Variants in ADAMTS15 observed in about 807,000 individuals in gnomAD.
ADAMTS15 encodes A disintegrin and metalloproteinase with thrombospondin motifs 15.
In ADAMTS15, 35 loss-of-function variants were observed where a neutral mutation model predicts 79.1. The ratio of observed to expected loss-of-function variants is 0.44; its 90% CI spans 0.34 to 0.59. ADAMTS15 has a LOEUF of 0.59. ADAMTS15 is among the 20% of genes least tolerant of loss of function. The probability of loss-of-function intolerance (pLI) is 0.02; values close to 1 mark genes in which losing one functional copy is unlikely to be tolerated. For synonymous variants in ADAMTS15, 616 were observed against 567.3 expected (o/e 1.09, Z -1.22); for missense variants, 1,324 against 1,318.7 (o/e 1.00, Z -0.06).
At chr11:130,455,129 T>A (rs1938050121) in intron 1 of ADAMTS15, among the ~76,000 whole-genome samples, 1 of 152,150 alleles carries the variant, frequency 6.6e-6, no homozygotes, top group Admixed American at 6.5e-5. Flanking sequence ...AGAATGAGGA[T>A]AATGATGATG....
chr11:130,450,303 G>C (rs952207118), intron 1 of ADAMTS15: 4 of 985,322 alleles, frequency 4.1e-6, no homozygotes, highest in Non-Finnish European at 4.8e-6. Flanking sequence ...GGGCGGGAAC[G>C]GCCCACCCCT....
Position 130,474,251 on chromosome 11 carries a change from C to T in ADAMTS15, c.*430C>T, listed in dbSNP as rs763620678. 40 of 174,356 alleles carry T rather than the reference C, an allele frequency of 2.3e-4. No individual in the cohort carries two copies. The highest frequency in any genetic ancestry group is 4.0e-4 in the African/African-American group (17 of 42,196). The allele number at this position is 174,356 out of a possible 1,614,324, so 10.8% of individuals were successfully genotyped here. A position where few individuals can be genotyped will look rare whatever the true frequency, so the allele number is the denominator to read the frequency against. ...CCATGGGCTCTGAGCCGTGTCTGAA[C>T]GAGGCAGGGTTTTCACGGTGCTTTT... On this transcript the variant is annotated 3_prime_UTR_variant, in exon 8 of 8. Coordinates refer to ENST00000299164, the MANE Select transcript of ADAMTS15 (RefSeq NM_139055.4).
chr11:130,455,024 A>T (rs1488693656), intron 1 of ADAMTS15, among the ~76,000 whole-genome samples: 1 of 151,906 alleles, frequency 6.6e-6, no homozygotes, highest in Admixed American at 6.6e-5. Context: ...ACAGGCTTGG[A>T]GTCAGGCAGA....
chr11:130,470,183 T>TATATATATACACAC (rs1565397829), intron 5 of ADAMTS15, among the ~76,000 whole-genome samples: 1 of 39,848 alleles, frequency 2.5e-5, no homozygotes, highest in Non-Finnish European at 4.8e-5. Flanking sequence ...TATATATATG[T>TATATATATACACAC]GTGTATATAT....
rs56123707 is a variant in ADAMTS15 at position 130,448,680 on chromosome 11, G to A, written c.-294G>A. ...TGGCTGCGGTTGCGAGAAGCCGCCC[G>A]GCACCTTCCGCTAGTTCTCGGCTGC... On this transcript the variant is annotated 5_prime_UTR_variant, in exon 1 of 8. Coordinates refer to ENST00000299164, the MANE Select transcript of ADAMTS15 (RefSeq NM_139055.4). Among the ~76,000 whole-genome samples the A allele has an allele frequency of 0.011, 1,690 of 152,348 alleles. 17 individuals are homozygous for A. The highest frequency in any genetic ancestry group is 0.018 in the Non-Finnish European group (1,215 of 68,030).
Position 130,462,360 on chromosome 11 carries a change from T to C in ADAMTS15, c.1258+106T>C, listed in dbSNP as rs1457339571. 6.7e-7 allele frequency: 1 copy of C among 1,487,180 alleles called. No individual in the cohort carries two copies. Among genetic ancestry groups the C allele is most frequent in the African/African-American group, 1.4e-5 (1 of 71,782 alleles). The allele number at this position is 1,487,180 out of a possible 1,614,324, so 92.1% of individuals were successfully genotyped here. A position where few individuals can be genotyped will look rare whatever the true frequency, so the allele number is the denominator to read the frequency against. On this transcript the variant is annotated intron_variant, in intron 3 of 7. Transcript: ENST00000299164. The surrounding 1 kb of genome is among the most constrained non-coding windows in gnomAD (Gnocchi z 4.3). Reference sequence around the variant, plus strand: ...CCGTCCTCTGTACATTAGGTGTGTGTGCCCCCTCGGAGCCGGGCTCTGACA... The same window carrying C: ...CCGTCCTCTGTACATTAGGTGTGTGCGCCCCCTCGGAGCCGGGCTCTGACA...
chr11:130,473,731 G>A lies in ADAMTS15; in HGVS notation c.2763G>A (p.Val921=). Residue 921 remains valine, a synonymous_variant, in exon 8 of 8, where the codon GTG becomes GTA. Coordinates refer to ENST00000299164, the MANE Select transcript of ADAMTS15 (RefSeq NM_139055.4). The part of the protein sequence containing the change: ...RGFQRRSLKC[V]GHGGRLLARD... ...TTCAGAGGCGCTCACTCAAGTGTGT[G>A]GGCCACGGAGGCCGGCTGCTGGCCC... 6.3e-7 allele frequency: 1 copy of A among 1,599,818 alleles called. No individual in the cohort carries two copies. The highest frequency in any genetic ancestry group is 1.1e-5 in the South Asian group (1 of 91,074).
At chr11:130,450,212 C>G (rs1490801967) in intron 1 of ADAMTS15, 25 of 985,332 alleles carry the variant, frequency 2.5e-5, no homozygotes, top group Non-Finnish European at 3.0e-5. Context: ...GCCGAGGGGC[C>G]GGAACCCAGG....
At chr11:130,450,202 G>A (rs902468832) in intron 1 of ADAMTS15, 1 of 985,458 alleles carries the variant, frequency 1.0e-6, no homozygotes, top group Non-Finnish European at 1.2e-6. Flanking sequence ...TGGATCAGGC[G>A]CCGAGGGGCC....
intron 1 of ADAMTS15, among the ~76,000 whole-genome samples, chr11:130,460,581 A>G (rs1428578566): frequency 1.3e-5 from 2 of 152,168 alleles, no homozygotes; most frequent in African/African-American, 4.8e-5. Context: ...CTGGCCCAAC[A>G]CACGTCTTCT....
chr11:130,470,963 C>T lies in ADAMTS15; in HGVS notation c.1764C>T (p.Asn588=), dbSNP rs200393200. The change falls in exon 6 of 8, where the codon AAC becomes AAT. Residue 588 remains asparagine, a synonymous_variant. Transcript: ENST00000299164. ...SFREEQCEAF[N]GYNHSTNRLT... is the part of the protein sequence containing the mutation. ...GGGAGGAGCAGTGTGAGGCTTTCAACGGCTACAACCACAGCACCAACCGGC... is the reference window on the plus strand; with the variant it reads ...GGGAGGAGCAGTGTGAGGCTTTCAATGGCTACAACCACAGCACCAACCGGC... 1.4e-4 allele frequency: 219 copies of T among 1,613,870 alleles called. No homozygotes were observed. Among genetic ancestry groups the T allele is most frequent in the Non-Finnish European group, 1.6e-4 (186 of 1,180,018 alleles).
At chr11:130,450,229 C>T (rs1319589292) in intron 1 of ADAMTS15, 1 of 985,372 alleles carries the variant, frequency 1.0e-6, no homozygotes, top group Non-Finnish European at 1.2e-6. Flanking sequence ...CAGGAAGTTG[C>T]CGCCCCGGAG....
In ADAMTS15 at chr11:130,472,416, G is replaced by C. The variant is rs1170832987; in HGVS notation, c.2079-631G>C. Among the ~76,000 whole-genome samples the C allele has an allele frequency of 3.9e-5, 6 of 152,228 alleles. No individual in the cohort carries two copies. Among genetic ancestry groups the C allele is most frequent in the Non-Finnish European group, 7.3e-5 (5 of 68,044 alleles). On this transcript the variant is annotated intron_variant, in intron 7 of 7. Transcript: ENST00000299164. This position sits in a 1 kb window ranked among gnomAD's most constrained non-coding sequence, Gnocchi z 4.7. ...TGGGGAGTGGGAGGTACATACCCCAGGCTTGCCTCACTGGTTAAGTGGCAG... is the reference window on the plus strand; with the variant it reads ...TGGGGAGTGGGAGGTACATACCCCACGCTTGCCTCACTGGTTAAGTGGCAG...
chr11:130,449,141 G>A lies in ADAMTS15; in HGVS notation c.168G>A (p.Gln56=), dbSNP rs1248274049. 1.2e-6 allele frequency: 2 copies of A among 1,600,212 alleles called. No individual in the cohort carries two copies. The highest frequency in any genetic ancestry group is 1.7e-6 in the Non-Finnish European group (2 of 1,171,230). The stretch of plus-strand genomic sequence containing the variant: ...CCGGGGATCAGGGACTCATTTTTCA[G>A]ATCACAGCATTTCAGGAGGACTTTT... ...EDSGDQGLIF[Q]ITAFQEDFYL... The change falls in exon 1 of 8, where the codon CAG becomes CAA. Residue 56 remains glutamine, a synonymous_variant. Transcript: ENST00000299164. The surrounding 1 kb of genome is among the most constrained non-coding windows in gnomAD (Gnocchi z 7.8).
intron 2 of ADAMTS15, 50 bp downstream of exon 2, chr11:130,461,671 C>A: frequency 3.1e-6 from 5 of 1,608,090 alleles, no homozygotes; most frequent in Non-Finnish European, 4.2e-6. Flanking sequence ...GCCTGGGGAG[C>A]CTGGAGGGTG....
chr11:130,451,286 G>C (rs1937955800), intron 1 of ADAMTS15, among the ~76,000 whole-genome samples: 1 of 152,196 alleles, frequency 6.6e-6, no homozygotes, highest in Admixed American at 6.5e-5. Context: ...AAGTTGGACT[G>C]GCGCACACAG....
In ADAMTS15 at chr11:130,462,601, G is replaced by T. The variant is rs764380364; in HGVS notation, c.1363G>T (p.Gly455Cys). 1.9e-6 allele frequency: 3 copies of T among 1,613,842 alleles called. No individual in the cohort carries two copies. The Admixed American group carries it at 5.0e-5, about 27-fold the overall frequency. ...SQQCELAFGV[G>C]SKPCPYMQYC... ...GCAGTGCGAGCTGGCTTTTGGCGTG[G>T]GCTCCAAGCCCTGTCCTTACATGCA... Residue 455 changes from glycine to cysteine, a missense_variant, in exon 4 of 8, where the codon GGC becomes TGC. Physicochemically the swap from Gly to Cys is radical, Grantham distance 159. Coordinates refer to ENST00000299164, the MANE Select transcript of ADAMTS15 (RefSeq NM_139055.4). This position sits in a 1 kb window ranked among gnomAD's most constrained non-coding sequence, Gnocchi z 4.3.
At chr11:130,468,939 CAAAA>C (rs911391031) in intron 4 of ADAMTS15, among the ~76,000 whole-genome samples, 17 of 27,850 alleles carry the variant, frequency 6.1e-4, no homozygotes, top group Admixed American at 5.9e-4. Context: ...TCCACCTCAA[CAAAA>C]AAAAAAAAAA....
At position 130,469,295 on chromosome 11, in the gene ADAMTS15, G is replaced by A; in HGVS notation, c.1576G>A (p.Gly526Ser). Residue 526 changes from glycine to serine, a missense_variant, in exon 5 of 8, where the codon GGC becomes AGC. Physicochemically the swap from Gly to Ser is moderately conservative, Grantham distance 56. Transcript: ENST00000299164. Reference sequence around the variant, plus strand: ...TTCCTGGGCCAAATGGGATCCCTATGGCCCCTGCTCGCGCACATGTGGTGG... The same window carrying A: ...TTCCTGGGCCAAATGGGATCCCTATAGCCCCTGCTCGCGCACATGTGGTGG... ...DGSWAKWDPY[G>S]PCSRTCGGGV... 2.9e-6 allele frequency: 4 copies of A among 1,402,406 alleles called. No homozygotes were observed. The highest frequency in any genetic ancestry group is 3.7e-6 in the Non-Finnish European group (4 of 1,073,364). The allele number at this position is 1,402,406 out of a possible 1,614,324, so 86.9% of individuals were successfully genotyped here.
Sources: allele counts gnomAD v4.1 joint callset (sites outside exome capture counted in the v4.1 genomes callset), GRCh38; gene constraint gnomAD v4.1.1; non-coding constraint Gnocchi (gnomAD v3.1); transcripts MANE v1.5; gene names NCBI Gene and HGNC (gene_info 2026-07-23, HGNC 2026-07-21).